PIGK: variants seen among roughly 807,000 people sequenced by gnomAD.
The protein encoded by PIGK is GPI-anchor transamidase.
In PIGK, 42 loss-of-function variants were observed where a neutral mutation model predicts 50.6. The observed-to-expected ratio is 0.83, with a 90% confidence interval of 0.65 to 1.07. PIGK has a LOEUF of 1.07. Among genes scored for constraint, PIGK ranks in the 50% least tolerant of loss-of-function variants. The pLI, the probability that PIGK is intolerant of heterozygous loss-of-function variation, is 0.00. For synonymous variants in PIGK, 151 were observed against 156.0 expected (o/e 0.97, Z 0.24); for missense variants, 448 against 488.7 (o/e 0.92, Z 0.78).
chr1:77,148,155 G>GT (rs1197316316), intron 9 of PIGK, among the ~76,000 whole-genome samples: 1 of 152,060 alleles, frequency 6.6e-6, no homozygotes, highest in Non-Finnish European at 1.5e-5. Context: ...TAATAAAATA[G>GT]TTTTTTATGA....
In PIGK at chr1:77,092,210, C is replaced by T. The variant is rs1653316349; in HGVS notation, c.*164G>A. ...TAGTGCCATTAAGCAGTTGCATTAA[C>T]AATTATTTTTCTTTAAGTTATAAAA... On this transcript the variant is annotated 3_prime_UTR_variant, in exon 11 of 11. Transcript: ENST00000370812. 2.2e-6 allele frequency: 1 copy of T among 447,980 alleles called. No individual in the cohort carries two copies. 27.8% of individuals were successfully genotyped at this position (447,980 alleles called of 1,614,324 possible). A position where few individuals can be genotyped will look rare whatever the true frequency, so the allele number is the denominator to read the frequency against.
intron 10 of PIGK, among the ~76,000 whole-genome samples, chr1:77,095,333 T>C (rs373316851): frequency 2.0e-4 from 30 of 152,270 alleles, no homozygotes; most frequent in African/African-American, 7.0e-4. Context: ...TAGGCTTAGT[T>C]TTCTGTTTGG....
At chr1:77,215,298 A>G (rs1330602155) in intron 1 of PIGK, among the ~76,000 whole-genome samples, 1 of 152,176 alleles carries the variant, frequency 6.6e-6, no homozygotes, top group Non-Finnish European at 1.5e-5. Context: ...AGACATACAA[A>G]TGGCCCACAA....
chr1:77,146,350 A>G (rs1654768012), intron 9 of PIGK, among the ~76,000 whole-genome samples: 3 of 152,302 alleles, frequency 2.0e-5, no homozygotes, highest in East Asian at 1.9e-4. Context: ...TTAAATTTCT[A>G]CCCTTCAAAA....
intron 1 of PIGK, among the ~76,000 whole-genome samples, chr1:77,212,645 G>A (rs1557433925): frequency 6.6e-6 from 1 of 152,042 alleles, no homozygotes; most frequent in East Asian, 1.9e-4. Context: ...AAAACAAAAG[G>A]GAGCAGGAGT....
intron 3 of PIGK, among the ~76,000 whole-genome samples, chr1:77,204,026 T>C (rs1305858773): frequency 1.3e-5 from 2 of 152,182 alleles, no homozygotes; most frequent in Non-Finnish European, 2.9e-5. Flanking sequence ...ATGGCTGCGA[T>C]TTTCAGGGAA....
At chr1:77,193,091 A>T (rs994284407) in intron 3 of PIGK, among the ~76,000 whole-genome samples, 6 of 152,202 alleles carry the variant, frequency 3.9e-5, no homozygotes, top group Non-Finnish European at 1.5e-5. Context: ...CTTAGAAACC[A>T]TTAATATAAA....
chr1:77,141,031 A>G (rs568969852), intron 9 of PIGK, among the ~76,000 whole-genome samples: 12 of 152,238 alleles, frequency 7.9e-5, no homozygotes, highest in African/African-American at 2.6e-4. Flanking sequence ...ATAAAATACT[A>G]TTTTCTTGCT....
At chr1:77,213,944 T>A (rs1293421126) in intron 1 of PIGK, among the ~76,000 whole-genome samples, 1 of 152,080 alleles carries the variant, frequency 6.6e-6, no homozygotes, top group African/African-American at 2.4e-5. Flanking sequence ...AAGAAATGGA[T>A]AAATTCCTGA....
At chr1:77,126,849 A>T (rs899873335) in intron 9 of PIGK, among the ~76,000 whole-genome samples, 2 of 152,146 alleles carry the variant, frequency 1.3e-5, no homozygotes, top group African/African-American at 4.8e-5. Context: ...AAGTCATCCA[A>T]GTGTTCCTTT....
chr1:77,112,241 C>CTTTTTTTTTTTTTTTTTTTTTTTTTTTT (rs1254622385), intron 10 of PIGK, among the ~76,000 whole-genome samples: 2 of 151,530 alleles, frequency 1.3e-5, no homozygotes, highest in African/African-American at 2.4e-5. Context: ...AATCTTAACT[C>CTTTTTTTTTTTTTTTTTTTTTTTTTTTT]TTATCAGGAA....
intron 3 of PIGK, among the ~76,000 whole-genome samples, chr1:77,189,736 TATATATATATATAC>T (rs1394538716): frequency 0.013 from 416 of 31,708 alleles, no homozygotes; most frequent in Middle Eastern, 0.024. Flanking sequence ...TATATATATA[TATATATATATATAC>T]ACACACACAC....
At chr1:77,107,344 G>T (rs1167937946) in intron 10 of PIGK, among the ~76,000 whole-genome samples, 2 of 152,078 alleles carry the variant, frequency 1.3e-5, no homozygotes, top group African/African-American at 4.8e-5. Flanking sequence ...ATTTCATTAT[G>T]TACCCAGTAG....
intron 3 of PIGK, among the ~76,000 whole-genome samples, chr1:77,186,241 T>A (rs144989988): frequency 1.4e-4 from 21 of 152,308 alleles, no homozygotes; most frequent in Non-Finnish European, 2.2e-4. Flanking sequence ...GAGGGCCTGA[T>A]TCACAGATGG....
chr1:77,204,499 T>G lies in PIGK; in HGVS notation c.239+2141A>C, dbSNP rs544125388. Among the ~76,000 whole-genome samples, 3 of 152,298 alleles carry G rather than the reference T, an allele frequency of 2.0e-5. No individual in the cohort carries two copies. In the East Asian group the frequency reaches 5.8e-4, roughly 29 times the overall value. On this transcript the variant is annotated intron_variant, in intron 3 of 10. Coordinates refer to ENST00000370812, the MANE Select transcript of PIGK (RefSeq NM_005482.3). ...GATATTTTATTGCCCTTGAAGCATGTGATCTCTGTGACCCACACCCTATTC... is the reference window on the plus strand; with the variant it reads ...GATATTTTATTGCCCTTGAAGCATGGGATCTCTGTGACCCACACCCTATTC...
chr1:77,168,352 G>A (rs180999636), intron 4 of PIGK, among the ~76,000 whole-genome samples: 112 of 152,204 alleles, frequency 7.4e-4, no homozygotes, highest in African/African-American at 2.0e-3. Context: ...ACATTTGTGC[G>A]TGTGTAAACT....
intron 9 of PIGK, among the ~76,000 whole-genome samples, chr1:77,129,956 A>G (rs1018177819): frequency 1.3e-5 from 2 of 151,794 alleles, no homozygotes; most frequent in African/African-American, 4.8e-5. Context: ...TTTATAAGAA[A>G]TAGTATCTCA....
chr1:77,202,022 T>C (rs1656180107), intron 3 of PIGK, among the ~76,000 whole-genome samples: 1 of 144,714 alleles, frequency 6.9e-6, no homozygotes, highest in African/African-American at 2.8e-5. Context: ...TGTGTCACTG[T>C]AACCCACCCA....
intron 10 of PIGK, among the ~76,000 whole-genome samples, chr1:77,094,188 A>G (rs1252097014): frequency 1.3e-5 from 2 of 152,182 alleles, no homozygotes; most frequent in Non-Finnish European, 2.9e-5. Flanking sequence ...ATTCATTATT[A>G]GTGGAAGCAC....
Sources: gnomAD v4.1 joint callset for allele counts (sites outside exome capture counted in the v4.1 genomes callset) on GRCh38, gnomAD v4.1.1 for gene constraint, MANE v1.5 for transcripts, NCBI Gene and HGNC (gene_info 2026-07-23, HGNC 2026-07-21) for gene names.